The following SYT1 variants were observed in gnomAD, a reference collection of about 807,000 sequenced individuals.
SYT1 encodes the protein synaptotagmin 1.
A neutral mutation model predicts 44.8 loss-of-function variants in SYT1; 8 were observed. The observed-to-expected ratio is 0.18, with a 90% CI of 0.10 to 0.32. SYT1 has a LOEUF of 0.32. Ranked by LOEUF, SYT1 falls within the 10% of genes least tolerant of loss-of-function variation. SYT1 has a pLI of 1.00. For synonymous variants in SYT1, 154 were observed against 188.8 expected, an observed-to-expected ratio of 0.82 and a Z score of 1.51; for missense variants, 286 against 509.3, an observed-to-expected ratio of 0.56 and a Z score of 4.22.
At chr12:78,962,773 C>T (rs898267986) in intron 1 of SYT1, among the ~76,000 whole-genome samples, 1 of 150,180 alleles carries the variant, frequency 6.7e-6, no homozygotes, top group African/African-American at 2.4e-5. Flanking sequence ...CTGAAATCTA[C>T]TCACCATGCC....
At chr12:79,206,992 A>G (rs75544367) in intron 3 of SYT1, among the ~76,000 whole-genome samples, 52 of 152,346 alleles carry the variant, frequency 3.4e-4, no homozygotes, top group Non-Finnish European at 6.8e-4. Context: ...CTCTGTGACA[A>G]TGAGCATGTT....
At chr12:78,904,859 A>G (rs1875873137) in intron 1 of SYT1, among the ~76,000 whole-genome samples, 1 of 152,182 alleles carries the variant, frequency 6.6e-6, no homozygotes. Context: ...GTTTTAGAAG[A>G]GATTTTATTT....
chr12:79,001,690 T>C (rs1348376388), intron 2 of SYT1, among the ~76,000 whole-genome samples: 1 of 152,218 alleles, frequency 6.6e-6, no homozygotes, highest in African/African-American at 2.4e-5. Context: ...CTGTTCTTAG[T>C]GTCAGTGATG....
At chr12:79,027,711 A>C in intron 2 of SYT1, among the ~76,000 whole-genome samples, 1 of 151,584 alleles carries the variant, frequency 6.6e-6, no homozygotes, top group Non-Finnish European at 1.5e-5. Context: ...TATTCTATGG[A>C]TATTTTAATG....
chr12:79,099,035 A>C (rs967229845), intron 3 of SYT1, among the ~76,000 whole-genome samples: 2 of 152,266 alleles, frequency 1.3e-5, no homozygotes, highest in East Asian at 1.9e-4. Flanking sequence ...TAAGCACAGG[A>C]AAGGAGGAAA....
At chr12:79,376,461 G>C (rs1177117027) in intron 9 of SYT1, among the ~76,000 whole-genome samples, 2 of 152,190 alleles carry the variant, frequency 1.3e-5, no homozygotes, top group Non-Finnish European at 2.9e-5. Flanking sequence ...AGGACAACCA[G>C]AGGTCACTCT....
At chr12:79,115,964 A>G (rs1879254567) in intron 3 of SYT1, among the ~76,000 whole-genome samples, 1 of 152,240 alleles carries the variant, frequency 6.6e-6, no homozygotes, top group Admixed American at 6.5e-5. Flanking sequence ...TATAATGAGC[A>G]AACAGAGTAG....
intron 3 of SYT1, among the ~76,000 whole-genome samples, chr12:79,148,363 A>C (rs779971566): frequency 5.9e-5 from 9 of 152,156 alleles, no homozygotes; most frequent in Non-Finnish European, 1.0e-4. Context: ...TTTCAGTGAT[A>C]ATCTTTTTTT....
chr12:79,331,590 T>C (rs1302667819), intron 8 of SYT1, among the ~76,000 whole-genome samples: 3 of 152,160 alleles, frequency 2.0e-5, no homozygotes, highest in African/African-American at 7.2e-5. Flanking sequence ...TTTAAAGCAA[T>C]AGAAATAATT....
chr12:79,228,239 C>T (rs1302667958), intron 4 of SYT1, among the ~76,000 whole-genome samples: 1 of 152,084 alleles, frequency 6.6e-6, no homozygotes, highest in Non-Finnish European at 1.5e-5. Context: ...CATTCTGTCT[C>T]CTCCCTTCAC....
At chr12:79,147,629 A>T (rs1870001818) in intron 3 of SYT1, among the ~76,000 whole-genome samples, 1 of 152,204 alleles carries the variant, frequency 6.6e-6, no homozygotes, top group Admixed American at 6.5e-5. Context: ...CATTTCTTAC[A>T]ATACATTCAG....
At chr12:79,236,510 T>C (rs1157939250) in intron 4 of SYT1, among the ~76,000 whole-genome samples, 1 of 152,214 alleles carries the variant, frequency 6.6e-6, no homozygotes, top group African/African-American at 2.4e-5. Context: ...TAAGACTCAA[T>C]TCAAATGCTA....
chr12:79,001,524 C>T (rs1870742427), intron 2 of SYT1, among the ~76,000 whole-genome samples: 1 of 152,148 alleles, frequency 6.6e-6, no homozygotes, highest in Admixed American at 6.6e-5. Context: ...ACTGCTCTCT[C>T]TACGATCCAT....
intron 8 of SYT1, among the ~76,000 whole-genome samples, chr12:79,322,813 AC>A (rs1881429193): frequency 1.3e-5 from 2 of 152,196 alleles, no homozygotes; most frequent in South Asian, 4.1e-4. Flanking sequence ...TTCTGAAGAC[AC>A]TAAAATCCAA....
intron 3 of SYT1, among the ~76,000 whole-genome samples, chr12:79,143,148 C>T (rs949041545): frequency 3.9e-5 from 6 of 152,192 alleles, no homozygotes; most frequent in African/African-American, 7.2e-5. Flanking sequence ...TTCTTAAGAA[C>T]AGACCCTGTT....
chr12:79,064,737 G>A (rs1327374337), intron 3 of SYT1, among the ~76,000 whole-genome samples: 1 of 151,390 alleles, frequency 6.6e-6, no homozygotes, highest in Non-Finnish European at 1.5e-5. Context: ...TTTGGTCTAT[G>A]AAACAGATTA....
chr12:78,949,945 ATGTT>A (rs767094693), intron 1 of SYT1, among the ~76,000 whole-genome samples: 19 of 152,026 alleles, frequency 1.2e-4, no homozygotes, highest in Non-Finnish European at 2.5e-4. Flanking sequence ...AATATAATAA[ATGTT>A]TGTACATAGC....
At chr12:78,886,492 T>C (rs888021073) in intron 1 of SYT1, among the ~76,000 whole-genome samples, 16 of 152,050 alleles carry the variant, frequency 1.1e-4, no homozygotes, top group African/African-American at 3.6e-4. Flanking sequence ...TCTTTGAAAT[T>C]AATCATCACC....
chr12:79,120,189 G>A (rs1879519013), intron 3 of SYT1, among the ~76,000 whole-genome samples: 1 of 152,032 alleles, frequency 6.6e-6, no homozygotes, highest in Non-Finnish European at 1.5e-5. Context: ...GCGGCGATGA[G>A]AACCCAATCA....
Sources: allele counts gnomAD v4.1 joint callset (sites outside exome capture counted in the v4.1 genomes callset), GRCh38; gene constraint gnomAD v4.1.1; transcripts MANE v1.5; gene names NCBI Gene and HGNC (gene_info 2026-07-23, HGNC 2026-07-21).